Variants in PLA1A observed in about 807,000 individuals in gnomAD.
PLA1A encodes phospholipase A1 member A.
Under a neutral mutation model 49.4 loss-of-function variants are expected in PLA1A, and 47 were observed. The observed-to-expected ratio is 0.95, with a 90% CI of 0.75 to 1.21. The LOEUF is 1.21. Ranked by LOEUF, PLA1A falls within the 50% of genes most tolerant of loss-of-function variation. The pLI, the probability that PLA1A is intolerant of heterozygous loss-of-function variation, is 0.00. For synonymous variants in PLA1A, 224 were observed against 207.9 expected (o/e 1.08, Z -0.67); for missense variants, 561 against 563.9 (o/e 0.99, Z 0.05).
At chr3:119,617,747 AAAAAAGAAAAG>A (rs916521163) in intron 6 of PLA1A, among the ~76,000 whole-genome samples, 2 of 151,710 alleles carry the variant, frequency 1.3e-5, no homozygotes, top group African/African-American at 4.9e-5. Flanking sequence ...CGTCTCAAAA[AAAAAAGAAAAG>A]AAAAGAAAAG....
chr3:119,609,938 G>C (rs1335099558), intron 4 of PLA1A, among the ~76,000 whole-genome samples: 1 of 152,188 alleles, frequency 6.6e-6, no homozygotes, highest in East Asian at 1.9e-4. Context: ...GTAGCAATCA[G>C]TACTTGATAG....
chr3:119,619,300 A>C (rs1335435840), intron 7 of PLA1A, among the ~76,000 whole-genome samples: 1 of 152,248 alleles, frequency 6.6e-6, no homozygotes, highest in East Asian at 1.9e-4. Flanking sequence ...GAGACAGATT[A>C]GTGTCAGATT....
At chr3:119,615,675 GT>G (rs1174618443) in intron 5 of PLA1A, among the ~76,000 whole-genome samples, 1 of 152,104 alleles carries the variant, frequency 6.6e-6, no homozygotes, top group Admixed American at 6.5e-5. Flanking sequence ...CTAGCCGGGT[GT>G]GGTGGCATCC....
At chr3:119,601,901 G>A (rs541379491) in intron 1 of PLA1A, among the ~76,000 whole-genome samples, 5 of 152,096 alleles carry the variant, frequency 3.3e-5, no homozygotes, top group Admixed American at 6.5e-5. Context: ...CTGCTCATCC[G>A]TTGAGATGAG....
intron 1 of PLA1A, among the ~76,000 whole-genome samples, chr3:119,604,830 G>A (rs2082665159): frequency 6.6e-6 from 1 of 152,172 alleles, no homozygotes; most frequent in Admixed American, 6.5e-5. Flanking sequence ...ACAGGCACAT[G>A]GGATGGGCTT....
Position 119,604,568 on chromosome 3 carries a change from G to C in PLA1A, c.74-2206G>C, listed in dbSNP as rs190940064. Among the ~76,000 whole-genome samples, 20 of 152,270 alleles carry C rather than the reference G, an allele frequency of 1.3e-4. 3 individuals are homozygous for C. The highest frequency in any genetic ancestry group is 4.8e-4 in the African/African-American group (20 of 41,540). ...GTAGGAGCTAAAAAAGTGGATTCAT[G>C]ATGATAGAGAGTAGTAGATTGTGGC... On this transcript the variant is annotated intron_variant, in intron 1 of 10. Coordinates refer to ENST00000273371, the MANE Select transcript of PLA1A (RefSeq NM_015900.4).
intron 8 of PLA1A, among the ~76,000 whole-genome samples, chr3:119,623,717 CTTTTTTT>C (rs35309675): frequency 3.9e-5 from 4 of 101,492 alleles, no homozygotes; most frequent in African/African-American, 4.2e-5. Flanking sequence ...TTCTCTCTTT[CTTTTTTT>C]TTTTTTTTTT....
intron 4 of PLA1A, 38 bp from the exon 5 acceptor site, chr3:119,612,979 A>G (rs1209593126): frequency 4.5e-6 from 6 of 1,319,682 alleles, no homozygotes; most frequent in Non-Finnish European, 5.3e-6. Flanking sequence ...CCTGCAGCTG[A>G]GAGGAAAGAG....
At chr3:119,618,244 G>A (rs535399691) in intron 7 of PLA1A, 58 bp downstream of exon 7, 1 of 1,418,604 alleles carries the variant, frequency 7.0e-7, no homozygotes, top group South Asian at 1.3e-5. Context: ...AGCCCTGCTA[G>A]TTGTCCCCTC....
intron 9 of PLA1A, among the ~76,000 whole-genome samples, chr3:119,627,179 CTCTT>C (rs1367336654): frequency 6.6e-6 from 1 of 152,172 alleles, no homozygotes; most frequent in Non-Finnish European, 1.5e-5. Context: ...GTTCACATAA[CTCTT>C]TTGAAGAAGG....
At chr3:119,609,639 T>A in intron 4 of PLA1A, 63 bp downstream of exon 4, 1 of 923,766 alleles carries the variant, frequency 1.1e-6, no homozygotes, top group Non-Finnish European at 1.8e-6. Context: ...CCTGAAAATA[T>A]CTCTTCTAAA....
chr3:119,620,148 G>A (rs1296694731), intron 8 of PLA1A: 2 of 456,702 alleles, frequency 4.4e-6, no homozygotes, highest in Non-Finnish European at 8.8e-6. Flanking sequence ...TGATTGTAAC[G>A]ATGTTAAATG....
intron 8 of PLA1A, among the ~76,000 whole-genome samples, chr3:119,621,663 T>C (rs1344009664): frequency 6.6e-6 from 1 of 152,192 alleles, no homozygotes; most frequent in Non-Finnish European, 1.5e-5. Context: ...ATTACTTCAC[T>C]CCATCCTTAC....
chr3:119,619,115 G>A (rs552474644), intron 7 of PLA1A, among the ~76,000 whole-genome samples: 1 of 152,188 alleles, frequency 6.6e-6, no homozygotes, highest in South Asian at 2.1e-4. Flanking sequence ...AGTGTACATC[G>A]GGCTTCCTCA....
chr3:119,611,042 TC>T (rs1328265643), intron 4 of PLA1A, among the ~76,000 whole-genome samples: 1 of 152,214 alleles, frequency 6.6e-6, no homozygotes, highest in African/African-American at 2.4e-5. Flanking sequence ...CAGCCAGTTT[TC>T]CCACACCATT....
intron 5 of PLA1A, among the ~76,000 whole-genome samples, chr3:119,615,389 C>T (rs2107790211): frequency 6.6e-6 from 1 of 152,302 alleles, no homozygotes. Flanking sequence ...TTTATCTGAA[C>T]TATTACTCAA....
rs1038292853 is a variant in PLA1A at position 119,628,814 on chromosome 3, G to A, written c.1235G>A (p.Arg412Gln). The A allele has an allele frequency of 3.2e-5, 51 of 1,613,862 alleles. No individual in the cohort carries two copies. Among genetic ancestry groups the A allele is most frequent in the Admixed American group, 1.3e-4 (8 of 60,010 alleles). ...QSSNRVWKKD[R>Q]TTIIGKFCTA... ...TCCAACCGAGTTTGGAAAAAAGACC[G>A]GACTACCATTATTGGGAAGTTCTGC... The change falls in exon 10 of 11, where the codon CGG (arginine) becomes CAG (glutamine). Residue 412 changes from arginine (R) to glutamine (Q), a missense_variant. Coordinates refer to ENST00000273371, the MANE Select transcript of PLA1A (RefSeq NM_015900.4).
intron 4 of PLA1A, among the ~76,000 whole-genome samples, chr3:119,612,680 G>A (rs1306469276): frequency 6.6e-6 from 1 of 152,144 alleles, no homozygotes; most frequent in Admixed American, 6.5e-5. Flanking sequence ...AGTAGAGACG[G>A]GGTTGCACCA....
intron 3 of PLA1A, 49 bp downstream of exon 3, chr3:119,608,996 A>T (rs1445369318): frequency 6.8e-7 from 1 of 1,479,960 alleles, no homozygotes; most frequent in Non-Finnish European, 9.4e-7. Flanking sequence ...ATGAGGAGAG[A>T]GGGTCAGAAA....
Sources: gnomAD v4.1 joint callset for allele counts (sites outside exome capture counted in the v4.1 genomes callset) on GRCh38, gnomAD v4.1.1 for gene constraint, MANE v1.5 for transcripts, NCBI Gene and HGNC (gene_info 2026-07-23, HGNC 2026-07-21) for gene names.